AFF3: variants seen among roughly 807,000 people sequenced by gnomAD.
The protein encoded by AFF3 is ALF transcription elongation factor 3.
AFF3 carries 32 observed loss-of-function variants against 129.7 expected under a neutral mutation model. The ratio of observed to expected loss-of-function variants is 0.25; its 90% CI spans 0.19 to 0.33. AFF3 has a LOEUF of 0.33. AFF3 is among the 10% of genes least tolerant of loss of function. The probability of loss-of-function intolerance (pLI) is 1.00; values close to 1 mark genes in which losing one functional copy is unlikely to be tolerated. For missense variants in AFF3, 1,373 were observed against 1,592.0 expected, an observed-to-expected ratio of 0.86 and a Z score of 2.34; for synonymous variants, 644 against 635.4, an observed-to-expected ratio of 1.01 and a Z score of -0.20.
intron 7 of AFF3, among the ~76,000 whole-genome samples, chr2:99,993,792 CTTTTTTTT>C (rs751882272): frequency 6.9e-5 from 5 of 72,546 alleles, no homozygotes; most frequent in East Asian, 5.3e-4. Context: ...AACACTTTAT[CTTTTTTTT>C]TTTTTTTTTT....
intron 8 of AFF3, among the ~76,000 whole-genome samples, chr2:99,797,566 T>C (rs1297756283): frequency 1.3e-5 from 2 of 152,048 alleles, no homozygotes; most frequent in African/African-American, 4.8e-5. Context: ...AATCTACAGA[T>C]GTAAGAGACT....
intron 4 of AFF3, among the ~76,000 whole-genome samples, chr2:100,074,169 G>C (rs1374397983): frequency 6.6e-6 from 1 of 152,120 alleles, no homozygotes; most frequent in Non-Finnish European, 1.5e-5. Context: ...ACTGTCTCCC[G>C]ATCTAACGGA....
At chr2:99,557,279 CTT>C (rs201716560) in intron 22 of AFF3, among the ~76,000 whole-genome samples, 44 of 133,620 alleles carry the variant, frequency 3.3e-4, no homozygotes, top group African/African-American at 4.7e-4. Flanking sequence ...TTGTGTTTTC[CTT>C]TTTTTTTTTT....
At chr2:100,068,682 A>G (rs1687925868) in intron 4 of AFF3, among the ~76,000 whole-genome samples, 1 of 152,190 alleles carries the variant, frequency 6.6e-6, no homozygotes, top group Non-Finnish European at 1.5e-5. Flanking sequence ...ATAGCAAGGA[A>G]CACTCAGAGG....
intron 11 of AFF3, among the ~76,000 whole-genome samples, chr2:99,698,415 G>A (rs1433933409): frequency 6.6e-6 from 1 of 152,142 alleles, no homozygotes; most frequent in Admixed American, 6.5e-5. Context: ...AACATTTGCA[G>A]GATTTGGAAA....
At chr2:99,560,822 G>T (rs1030224484) in intron 20 of AFF3, among the ~76,000 whole-genome samples, 1 of 152,236 alleles carries the variant, frequency 6.6e-6, no homozygotes, top group Admixed American at 6.5e-5. Context: ...ACCTCCAGAA[G>T]AATTTCCATC....
intron 11 of AFF3, among the ~76,000 whole-genome samples, chr2:99,692,244 G>A (rs1023947086): frequency 4.6e-5 from 7 of 152,162 alleles, no homozygotes; most frequent in Non-Finnish European, 1.0e-4. Flanking sequence ...TCAGTCCCAA[G>A]GCCCAGGAAA....
At chr2:100,137,536 T>TACACACACACAC (rs3038476) in intron 1 of AFF3, among the ~76,000 whole-genome samples, 5 of 144,024 alleles carry the variant, frequency 3.5e-5, no homozygotes, top group South Asian at 4.5e-4. Context: ...CACACGTGCA[T>TACACACACACAC]ACACACACAC....
At chr2:100,017,475 G>A (rs1683229939) in intron 4 of AFF3, among the ~76,000 whole-genome samples, 1 of 152,188 alleles carries the variant, frequency 6.6e-6, no homozygotes, top group Non-Finnish European at 1.5e-5. Flanking sequence ...TTCTACCAGA[G>A]CAGGAATGAG....
chr2:99,874,920 G>A (rs534747130), intron 7 of AFF3, among the ~76,000 whole-genome samples: 19 of 152,014 alleles, frequency 1.2e-4, no homozygotes, highest in Non-Finnish European at 1.0e-4. Context: ...AGTGAGACAC[G>A]GAGAAAAAGA....
chr2:100,111,220 A>G (rs1412539116), intron 2 of AFF3, among the ~76,000 whole-genome samples: 3 of 152,250 alleles, frequency 2.0e-5, no homozygotes, highest in Non-Finnish European at 4.4e-5. Context: ...CAGCTAACCC[A>G]TTAGAGAAGT....
At chr2:100,063,547 TG>T (rs1305297732) in intron 4 of AFF3, among the ~76,000 whole-genome samples, 1 of 151,588 alleles carries the variant, frequency 6.6e-6, no homozygotes, top group Non-Finnish European at 1.5e-5. Flanking sequence ...ATAGAATTAG[TG>T]AATTGGAAGG....
intron 13 of AFF3, among the ~76,000 whole-genome samples, chr2:99,606,434 A>T (rs927171659): frequency 1.3e-5 from 2 of 152,194 alleles, no homozygotes; most frequent in African/African-American, 2.4e-5. Flanking sequence ...TATTGAGATC[A>T]TGGAATAAAA....
chr2:99,583,115 G>C lies in AFF3; in HGVS notation c.2592-116C>G. 3.7e-6 allele frequency: 3 copies of C among 814,360 alleles called. No individual in the cohort carries two copies. In the South Asian group the frequency reaches 5.1e-5, roughly 14 times the overall value. The allele number at this position is 814,360 out of a possible 1,614,324, so 50.4% of individuals were successfully genotyped here. Reference sequence around the variant, plus strand: ...CCTGTTGGTAGGAGAAGCTTATTGGGAATTATTATACCAGGAAACAAGTTA... The same window carrying C: ...CCTGTTGGTAGGAGAAGCTTATTGGCAATTATTATACCAGGAAACAAGTTA... On this transcript the variant is annotated intron_variant, in intron 16 of 24. Coordinates refer to ENST00000672756, the MANE Select transcript of AFF3 (RefSeq NM_001386135.1).
intron 12 of AFF3, among the ~76,000 whole-genome samples, chr2:99,650,287 G>A (rs549450973): frequency 4.6e-5 from 7 of 152,216 alleles, no homozygotes; most frequent in African/African-American, 9.6e-5. Flanking sequence ...GGCTGGGTGC[G>A]GTGGCTCACA....
intron 4 of AFF3, among the ~76,000 whole-genome samples, chr2:100,076,763 A>C (rs559171223): frequency 6.6e-6 from 1 of 152,336 alleles, no homozygotes; most frequent in East Asian, 1.9e-4. Context: ...ATTAATTATA[A>C]AAATGATTTA....
intron 14 of AFF3, among the ~76,000 whole-genome samples, chr2:99,601,095 A>G (rs1267118768): frequency 6.6e-6 from 1 of 152,194 alleles, no homozygotes; most frequent in Non-Finnish European, 1.5e-5. Flanking sequence ...GGCTCTGTCC[A>G]GCGACTGCCC....
intron 4 of AFF3, among the ~76,000 whole-genome samples, chr2:100,047,408 A>C (rs1033212450): frequency 1.3e-5 from 2 of 152,212 alleles, no homozygotes; most frequent in African/African-American, 4.8e-5. Flanking sequence ...TATCTCCCCA[A>C]GGAGACGGTG....
At chr2:100,138,732 G>A (rs923164781) in intron 1 of AFF3, among the ~76,000 whole-genome samples, 3 of 151,918 alleles carry the variant, frequency 2.0e-5, no homozygotes, top group Non-Finnish European at 4.4e-5. Context: ...ATCACCTGAG[G>A]TCAGGAGTTC....
Sources: gnomAD v4.1 joint callset for allele counts (sites outside exome capture counted in the v4.1 genomes callset) on GRCh38, gnomAD v4.1.1 for gene constraint, MANE v1.5 for transcripts, NCBI Gene and HGNC (gene_info 2026-07-23, HGNC 2026-07-21) for gene names.